UNC79: variants seen among roughly 807,000 people sequenced by gnomAD.
UNC79 encodes the protein protein unc-79 homolog.
UNC79 carries 37 observed loss-of-function variants against 283.1 expected under a neutral mutation model. The observed-to-expected ratio is 0.13, with a 90% confidence interval of 0.10 to 0.17. The LOEUF is 0.17. Ranked by LOEUF, UNC79 falls within the 10% of genes least tolerant of loss-of-function variation. The pLI, the probability that UNC79 is intolerant of heterozygous loss-of-function variation, is 1.00. For synonymous variants in UNC79, 1,107 were observed against 1,200.2 expected (o/e 0.92, Z 1.61); for missense variants, 2,272 against 3,211.1 (o/e 0.71, Z 7.07).
chr14:93,683,757 C>A (rs1254163512), intron 42 of UNC79, among the ~76,000 whole-genome samples: 5 of 149,982 alleles, frequency 3.3e-5, no homozygotes, highest in Non-Finnish European at 7.4e-5. Flanking sequence ...TGATAGCAAT[C>A]AATGAATTGT....
intron 26 of UNC79, among the ~76,000 whole-genome samples, chr14:93,609,812 AC>A (rs2066167444): frequency 6.6e-6 from 1 of 152,272 alleles, no homozygotes; most frequent in East Asian, 1.9e-4. Flanking sequence ...TGAAGAGTGC[AC>A]CAGTCACAAG....
intron 14 of UNC79, among the ~76,000 whole-genome samples, chr14:93,560,231 G>A (rs935419603): frequency 2.2e-4 from 34 of 152,186 alleles, no homozygotes; most frequent in Non-Finnish European, 3.4e-4. Flanking sequence ...GGGGTTCAGC[G>A]TAATTACTTG....
intron 5 of UNC79, among the ~76,000 whole-genome samples, chr14:93,490,863 C>T (rs2058689953): frequency 6.6e-6 from 1 of 152,184 alleles, no homozygotes; most frequent in South Asian, 2.1e-4. Context: ...TACCCAGTTC[C>T]AAAGCCACTT....
chr14:93,426,382 A>C (rs1311893461), upstream of UNC79, among the ~76,000 whole-genome samples: 11 of 151,140 alleles, frequency 7.3e-5, no homozygotes, highest in East Asian at 2.1e-3. Context: ...TTTGTCACCA[A>C]ATTTTGGAAA....
intron 48 of UNC79, 88 bp from the exon 52 acceptor site, chr14:93,706,616 T>G: frequency 6.8e-7 from 1 of 1,479,410 alleles, no homozygotes; most frequent in Non-Finnish European, 9.3e-7. Flanking sequence ...CAAGCCTAAA[T>G]TCTGCCTGCA....
intron 1 of UNC79, chr14:93,334,660 G>C (rs2053535610): frequency 6.6e-6 from 1 of 152,164 alleles, no homozygotes; most frequent in African/African-American, 2.4e-5. Context: ...GTTAACACTT[G>C]AACAACACGG....
intron 4 of UNC79, among the ~76,000 whole-genome samples, chr14:93,480,354 A>G (rs978018934): frequency 6.6e-6 from 1 of 152,292 alleles, no homozygotes; most frequent in African/African-American, 2.4e-5. Flanking sequence ...TCAGTCTCGC[A>G]GATTACTTCT....
At chr14:93,350,889 A>C (rs1297510910) in intron 1 of UNC79, among the ~76,000 whole-genome samples, 1 of 152,212 alleles carries the variant, frequency 6.6e-6, no homozygotes, top group Non-Finnish European at 1.5e-5. Flanking sequence ...TCAAAGTCTA[A>C]AAAAGCAATG....
intron 20 of UNC79, 39 bp from the exon 21 acceptor site, chr14:93,586,557 A>C (rs2064236335): frequency 6.5e-7 from 1 of 1,539,484 alleles, no homozygotes; most frequent in Non-Finnish European, 8.9e-7. Context: ...GGGGGAGAGG[A>C]AGAGTTAGCC....
chr14:93,577,890 A>C (rs760569652), exon 18 of UNC79: 2 of 1,614,222 alleles, frequency 1.2e-6, no homozygotes, highest in African/African-American at 2.7e-5. Context: ...CAATATGCTT[A>C]GTCCATTTCA....
At chr14:93,394,877 A>G (rs921648868) in intron 1 of UNC79, among the ~76,000 whole-genome samples, 3 of 151,960 alleles carry the variant, frequency 2.0e-5, no homozygotes, top group Non-Finnish European at 2.9e-5. Flanking sequence ...ATGCCTGGCT[A>G]ATTTTTAATT....
intron 1 of UNC79, among the ~76,000 whole-genome samples, chr14:93,417,890 T>C (rs191970584): frequency 6.6e-6 from 1 of 151,942 alleles, no homozygotes; most frequent in East Asian, 1.9e-4. Context: ...TTTAAGCACT[T>C]GTCTGTATTG....
chr14:93,672,169 A>G (rs2072932781), intron 40 of UNC79, among the ~76,000 whole-genome samples: 1 of 152,194 alleles, frequency 6.6e-6, no homozygotes. Context: ...TGATTCAACA[A>G]TGTGACTACT....
At chr14:93,492,233 G>A (rs932623212) in intron 5 of UNC79, among the ~76,000 whole-genome samples, 1 of 152,174 alleles carries the variant, frequency 6.6e-6, no homozygotes. Flanking sequence ...TAGTACATAG[G>A]AGTACTAAAT....
chr14:93,558,731 G>C (rs1199268524), intron 14 of UNC79, among the ~76,000 whole-genome samples: 1 of 149,920 alleles, frequency 6.7e-6, no homozygotes, highest in African/African-American at 2.5e-5. Context: ...CAGGGTTTTG[G>C]TTTCCCTGTC....
At chr14:93,599,937 C>T (rs555316094) in intron 24 of UNC79, among the ~76,000 whole-genome samples, 1 of 151,822 alleles carries the variant, frequency 6.6e-6, no homozygotes, top group South Asian at 2.1e-4. Context: ...CGTGGTGGCT[C>T]GCGCCTGTAA....
chr14:93,359,458 A>T (rs986194977), intron 1 of UNC79, among the ~76,000 whole-genome samples: 2 of 152,210 alleles, frequency 1.3e-5, no homozygotes, highest in Non-Finnish European at 2.9e-5. Context: ...TCACTCAACT[A>T]CAGAATTTAA....
chr14:93,659,287 C>T, intron 39 of UNC79, 26 bp downstream of exon 42: 1 of 1,578,346 alleles, frequency 6.3e-7, no homozygotes, highest in Non-Finnish European at 8.6e-7. Context: ...AAAAACATAA[C>T]CAATTGGTTA....
chr14:93,641,357 G>A (rs1596196067), intron 33 of UNC79, 110 bp downstream of exon 36: 2 of 1,040,876 alleles, frequency 1.9e-6, no homozygotes, highest in East Asian at 2.6e-5. Flanking sequence ...GTCATAATTT[G>A]TTCCTCCAGT....
Sources: allele counts gnomAD v4.1 joint callset (sites outside exome capture counted in the v4.1 genomes callset), GRCh38; gene constraint gnomAD v4.1.1; transcripts MANE v1.5; gene names NCBI Gene and HGNC (gene_info 2026-07-23, HGNC 2026-07-21).